Variants in PDE8A observed in about 807,000 individuals in gnomAD.
PDE8A encodes the protein high affinity cAMP-specific and IBMX-insensitive 3',5'-cyclic phosphodiesterase 8A.
PDE8A carries 59 observed loss-of-function variants against 105.0 expected under a neutral mutation model. That is an observed-to-expected ratio of 0.56 (90% CI 0.46 to 0.70). PDE8A has a LOEUF of 0.70. Among genes scored for constraint, PDE8A ranks in the 30% least tolerant of loss-of-function variants. The pLI is 0.00. For synonymous variants in PDE8A, 355 were observed against 371.9 expected (o/e 0.95, Z 0.52); for missense variants, 1,014 against 1,045.9 (o/e 0.97, Z 0.42).
intron 1 of PDE8A, among the ~76,000 whole-genome samples, chr15:85,004,089 G>T (rs2080107876): frequency 6.6e-6 from 1 of 152,234 alleles, no homozygotes; most frequent in Non-Finnish European, 1.5e-5. Context: ...ATATGATCTA[G>T]CTGTGTGCCC....
chr15:84,981,177 G>A (rs1423319187), upstream of PDE8A, among the ~76,000 whole-genome samples: 1 of 152,234 alleles, frequency 6.6e-6, no homozygotes. Flanking sequence ...GGACGGAGGT[G>A]GCTGTGTGTC....
chr15:85,072,981 G>T (rs1596490976), intron 3 of PDE8A, among the ~76,000 whole-genome samples: 1 of 152,054 alleles, frequency 6.6e-6, no homozygotes, highest in East Asian at 1.9e-4. Context: ...AGCATGGTTG[G>T]CACTTGCCTG....
intron 11 of PDE8A, among the ~76,000 whole-genome samples, chr15:85,102,718 C>T (rs1454463783): frequency 6.6e-6 from 1 of 151,456 alleles, no homozygotes; most frequent in Non-Finnish European, 1.5e-5. Context: ...GCATGCCTGT[C>T]ATCCCAGCTA....
intron 20 of PDE8A, among the ~76,000 whole-genome samples, chr15:85,126,662 GA>G (rs1221360925): frequency 6.6e-6 from 1 of 151,614 alleles, no homozygotes; most frequent in East Asian, 1.9e-4. Flanking sequence ...TTTCTGAGTA[GA>G]AAAAACCTCT....
At chr15:85,038,128 T>C (rs1157787877) in intron 1 of PDE8A, among the ~76,000 whole-genome samples, 1 of 152,208 alleles carries the variant, frequency 6.6e-6, no homozygotes, top group Non-Finnish European at 1.5e-5. Flanking sequence ...CTTTTGCTAG[T>C]TGAATTCAGA....
At position 85,090,490 on chromosome 15, in the gene PDE8A, A is replaced by G. The variant is rs181816503; in HGVS notation, c.715-554A>G. Among the ~76,000 whole-genome samples, 6 of 152,206 alleles carry G rather than the reference A, an allele frequency of 3.9e-5. No homozygotes were observed. The South Asian group carries it at 8.3e-4, about 21-fold the overall frequency. On this transcript the variant is annotated intron_variant, in intron 7 of 21. Coordinates refer to ENST00000394553, the MANE Select transcript of PDE8A (RefSeq NM_002605.3). ...CTGAAACTTAACCATAAAGCCTTAC[A>G]TTTGTAATTACTTCTTAGTTCATAG...
chr15:85,069,229 A>G (rs909086500), intron 3 of PDE8A, among the ~76,000 whole-genome samples: 3 of 152,220 alleles, frequency 2.0e-5, no homozygotes, highest in Admixed American at 1.3e-4. Flanking sequence ...AAAGTAAAGA[A>G]TGGGAACTGG....
upstream of PDE8A, chr15:84,980,748 T>C (rs570104730): frequency 2.1e-3 from 316 of 152,370 alleles, 1 homozygote; most frequent in African/African-American, 7.3e-3. Flanking sequence ...GGGGTCCTCA[T>C]GGGCCCCAGG....
intron 5 of PDE8A, among the ~76,000 whole-genome samples, chr15:85,080,485 G>A (rs781439622): frequency 3.9e-5 from 6 of 152,148 alleles, no homozygotes; most frequent in Non-Finnish European, 7.3e-5. Flanking sequence ...GTGAAACTTA[G>A]GGGATAGATT....
intron 8 of PDE8A, among the ~76,000 whole-genome samples, chr15:85,096,126 C>T (rs554386084): frequency 2.9e-4 from 44 of 152,240 alleles, no homozygotes; most frequent in Admixed American, 2.7e-3. Flanking sequence ...CCACTCGCCT[C>T]AGCCTCCCAA....
intron 1 of PDE8A, among the ~76,000 whole-genome samples, chr15:85,012,739 A>C (rs563738456): frequency 2.6e-5 from 4 of 152,320 alleles, no homozygotes; most frequent in Admixed American, 2.6e-4. Context: ...AATGGTTTTA[A>C]CATACAGTAT....
chr15:85,124,943 C>A (rs145754718), intron 19 of PDE8A, among the ~76,000 whole-genome samples: 1 of 152,332 alleles, frequency 6.6e-6, no homozygotes, highest in Non-Finnish European at 1.5e-5. Context: ...CATGGGGTTA[C>A]TTCTGAGAGA....
chr15:85,127,039 A>G (rs957682924), intron 20 of PDE8A, among the ~76,000 whole-genome samples: 1 of 152,118 alleles, frequency 6.6e-6, no homozygotes, highest in Non-Finnish European at 1.5e-5. Flanking sequence ...CTACAAAAAA[A>G]TTAAAAGTTA....
chr15:85,132,561 G>A (rs1245651352), intron 20 of PDE8A, among the ~76,000 whole-genome samples: 1 of 152,144 alleles, frequency 6.6e-6, no homozygotes, highest in Non-Finnish European at 1.5e-5. Flanking sequence ...TGCCTCTTGG[G>A]TTTAAGTGAT....
intron 1 of PDE8A, among the ~76,000 whole-genome samples, chr15:85,043,437 T>C (rs1376574651): frequency 1.3e-5 from 2 of 152,184 alleles, no homozygotes; most frequent in African/African-American, 4.8e-5. Context: ...ATTGCCACAT[T>C]GGATTTGAGG....
intron 4 of PDE8A, 40 bp downstream of exon 4, chr15:85,075,958 G>A (rs2081374502): frequency 8.9e-7 from 1 of 1,124,656 alleles, no homozygotes; most frequent in Admixed American, 1.8e-5. Context: ...TGAGGTACCA[G>A]TGTAATACTT....
Position 84,981,921 on chromosome 15 carries a change from C to A in PDE8A, c.-242C>A. 1 of 253,682 alleles carries A rather than the reference C, an allele frequency of 3.9e-6. No homozygotes were observed. Among genetic ancestry groups the A allele is most frequent in the South Asian group, 1.6e-4 (1 of 6,102 alleles). The allele number at this position is 253,682 out of a possible 1,614,324, so 15.7% of individuals were successfully genotyped here. A position where few individuals can be genotyped will look rare whatever the true frequency, so the allele number is the denominator to read the frequency against. On this transcript the variant is annotated 5_prime_UTR_variant, in exon 1 of 22. Transcript: ENST00000394553. Reference sequence around the variant, plus strand: ...GCTCCTGCCTCAGGAAGGGCATGTTCGGAGGGGCGGCCTCGGCACGCCACC... The same window carrying A: ...GCTCCTGCCTCAGGAAGGGCATGTTAGGAGGGGCGGCCTCGGCACGCCACC...
chr15:85,003,999 C>T (rs890379185), intron 1 of PDE8A, among the ~76,000 whole-genome samples: 11 of 152,192 alleles, frequency 7.2e-5, no homozygotes, highest in African/African-American at 2.2e-4. Flanking sequence ...AGGTTTTTAA[C>T]GGCCAGGTCT....
At chr15:85,076,916 C>T in intron 5 of PDE8A, 129 bp downstream of exon 5, 1 of 651,202 alleles carries the variant, frequency 1.5e-6, no homozygotes, top group Non-Finnish European at 2.8e-6. Context: ...CGTGGTGGCT[C>T]ATACCTGTAA....
Sources: gnomAD v4.1 joint callset for allele counts (sites outside exome capture counted in the v4.1 genomes callset) on GRCh38, gnomAD v4.1.1 for gene constraint, MANE v1.5 for transcripts, NCBI Gene and HGNC (gene_info 2026-07-23, HGNC 2026-07-21) for gene names.